NUP153: variants seen among roughly 807,000 people sequenced by gnomAD.
The protein encoded by NUP153 is nucleoporin 153, also known as nuclear pore complex protein Nup153.
In NUP153, 27 loss-of-function variants were observed where a neutral mutation model predicts 134.6. The observed-to-expected ratio is 0.20, with a 90% CI of 0.15 to 0.28. The LOEUF is 0.28. NUP153 is among the 10% of genes least tolerant of loss of function. The pLI is 1.00. For missense variants in NUP153, 1,821 were observed against 1,731.3 expected (o/e 1.05, Z -0.92); for synonymous variants, 640 against 623.5 (o/e 1.03, Z -0.40).
intron 2 of NUP153, among the ~76,000 whole-genome samples, chr6:17,678,977 A>G (rs1768407461): frequency 6.6e-6 from 1 of 151,464 alleles, no homozygotes; most frequent in South Asian, 2.1e-4. Context: ...GTCTTAACAA[A>G]TATTTTACAG....
chr6:17,637,112 GAAGT>G (rs750601958), intron 16 of NUP153, 37 bp downstream of exon 16: 21 of 1,552,724 alleles, frequency 1.4e-5, no homozygotes, highest in African/African-American at 4.1e-5. Flanking sequence ...CTGTTCAACA[GAAGT>G]AATAAGCAAA....
At position 17,674,963 on chromosome 6, in the gene NUP153, G is replaced by A; in HGVS notation, c.794C>T (p.Thr265Ile). The A allele has an allele frequency of 1.9e-6, 3 of 1,613,738 alleles. No individual in the cohort carries two copies. The highest frequency in any genetic ancestry group is 2.5e-6 in the Non-Finnish European group (3 of 1,179,778). ...TACAGCAGCTGCTGCCCCACCGTAT[G>A]TTGTTTTTCCAGGATAAAAAGGAGA... is the stretch of plus-strand genomic sequence containing the variant. ...GDSPFYPGKT[T>I]YGGAAAAVRQ... Residue 265 changes from threonine to isoleucine, a missense_variant, in exon 5 of 22, where the codon ACA becomes ATA. Physicochemically the swap from Thr to Ile is moderately conservative, Grantham distance 89. Coordinates refer to ENST00000262077, the MANE Select transcript of NUP153 (RefSeq NM_005124.4).
chr6:17,661,747 G>A lies in NUP153; in HGVS notation c.1301C>T (p.Ala434Val), dbSNP rs1767198409. The change falls in exon 11 of 22, where the codon GCA becomes GTA. Residue 434 changes from alanine to valine, a missense_variant. Transcript: ENST00000262077. ...TACTCCAGAAGATAAACCATTGGCT[G>A]CAGGCAAACTGAAATTTGGATATGA... is the stretch of plus-strand genomic sequence containing the variant. ...GFSYPNFSLP[A>V]ANGLSSGVGG... 1.2e-6 allele frequency: 2 copies of A among 1,612,762 alleles called. No homozygotes were observed. Among genetic ancestry groups the A allele is most frequent in the Non-Finnish European group, 1.7e-6 (2 of 1,179,628 alleles).
At chr6:17,626,237 C>G (rs747838919) in intron 18 of NUP153, 73 bp from the exon 19 acceptor site, 21 of 1,143,084 alleles carry the variant, frequency 1.8e-5, no homozygotes, top group Admixed American at 9.0e-5. Flanking sequence ...TCCTACCCTA[C>G]AATTGCTAGA....
chr6:17,675,178 C>G lies in NUP153; in HGVS notation c.723+51G>C. The G allele has an allele frequency of 2.5e-6, 4 of 1,577,940 alleles. No homozygotes were observed. The Middle Eastern group carries it at 5.1e-4, about 201-fold the overall frequency. ...CAGAAAAAAAAAAAAAAATTATAAGCAATAAACACTCAAAACTAATGTGAT... is the reference window on the plus strand; with the variant it reads ...CAGAAAAAAAAAAAAAAATTATAAGGAATAAACACTCAAAACTAATGTGAT... On this transcript the variant is annotated intron_variant, in intron 4 of 21. Coordinates refer to ENST00000262077, the MANE Select transcript of NUP153 (RefSeq NM_005124.4). The surrounding 1 kb of genome is among the most constrained non-coding windows in gnomAD (Gnocchi z 4.4).
chr6:17,669,258 C>CAA (rs1434285412), intron 7 of NUP153, 35 bp downstream of exon 7: 1 of 1,574,816 alleles, frequency 6.3e-7, no homozygotes, highest in Non-Finnish European at 8.7e-7. Context: ...TTTGTATGAA[C>CAA]AATATTTTGT....
intron 9 of NUP153, 103 bp from the exon 10 acceptor site, chr6:17,662,173 A>G: frequency 9.4e-7 from 1 of 1,062,856 alleles, no homozygotes; most frequent in Non-Finnish European, 1.4e-6. Context: ...CAGGAATTTG[A>G]TGGCTTTTTA....
intron 1 of NUP153, among the ~76,000 whole-genome samples, chr6:17,698,025 T>C (rs1381167233): frequency 6.6e-6 from 1 of 152,186 alleles, no homozygotes; most frequent in Non-Finnish European, 1.5e-5. Flanking sequence ...CTTCACATTA[T>C]CCTTAGCAGT....
At chr6:17,657,146 T>G (rs1325570990) in intron 11 of NUP153, among the ~76,000 whole-genome samples, 3 of 152,152 alleles carry the variant, frequency 2.0e-5, no homozygotes, top group Non-Finnish European at 4.4e-5. Context: ...ATTTATAGCT[T>G]AGTTTTGGCT....
At chr6:17,644,120 C>T (rs1460548209) in intron 14 of NUP153, among the ~76,000 whole-genome samples, 1 of 151,782 alleles carries the variant, frequency 6.6e-6, no homozygotes, top group Admixed American at 6.6e-5. Context: ...ATAATCTGGC[C>T]TCTTATCTTC....
chr6:17,657,706 A>C (rs1168332532), intron 11 of NUP153, among the ~76,000 whole-genome samples: 2 of 152,216 alleles, frequency 1.3e-5, no homozygotes, highest in African/African-American at 4.8e-5. Flanking sequence ...AACTTCACAA[A>C]ACATGCTACA....
chr6:17,661,019 G>T (rs1191918860), intron 11 of NUP153, among the ~76,000 whole-genome samples: 2 of 151,998 alleles, frequency 1.3e-5, no homozygotes, highest in African/African-American at 4.8e-5. Context: ...AAACAGGCAA[G>T]CAAGAAGAAG....
At chr6:17,667,558 C>CA (rs1195260936) in intron 8 of NUP153, among the ~76,000 whole-genome samples, 3 of 151,890 alleles carry the variant, frequency 2.0e-5, no homozygotes, top group South Asian at 2.1e-4. Context: ...ACTAAAAATA[C>CA]AAAAAATCGG....
At chr6:17,688,321 C>T in intron 2 of NUP153, 75 bp downstream of exon 2, 2 of 1,095,762 alleles carry the variant, frequency 1.8e-6, no homozygotes, top group Admixed American at 3.8e-5. Flanking sequence ...TTAGATTTAC[C>T]ATAACTAGGT....
Position 17,675,280 on chromosome 6 carries a change from G to C in NUP153, c.672C>G (p.Thr224=). 6.2e-7 allele frequency: 1 copy of C among 1,614,146 alleles called. No individual in the cohort carries two copies. The highest frequency in any genetic ancestry group is 8.5e-7 in the Non-Finnish European group (1 of 1,180,022). Residue 224 remains threonine (T), a synonymous_variant, in exon 4 of 22, where the codon ACC becomes ACG. Coordinates refer to ENST00000262077, the MANE Select transcript of NUP153 (RefSeq NM_005124.4). The surrounding 1 kb of genome is among the most constrained non-coding windows in gnomAD (Gnocchi z 4.4). ...RSHSLSQHTA[T]SSKKPAFNLS... ...AGTTGAATGCTGGTTTTTTTGAGCTGGTGGCAGTGTGCTGTGAGAGTGAGT... is the reference window on the plus strand; with the variant it reads ...AGTTGAATGCTGGTTTTTTTGAGCTCGTGGCAGTGTGCTGTGAGAGTGAGT...
At chr6:17,636,751 T>C (rs906631072) in intron 16 of NUP153, among the ~76,000 whole-genome samples, 2 of 152,218 alleles carry the variant, frequency 1.3e-5, no homozygotes, top group Non-Finnish European at 2.9e-5. Context: ...TTAACGACTA[T>C]AGTCTACCCC....
At chr6:17,683,960 A>G (rs1043453898) in intron 2 of NUP153, among the ~76,000 whole-genome samples, 5 of 152,170 alleles carry the variant, frequency 3.3e-5, no homozygotes, top group African/African-American at 1.2e-4. Flanking sequence ...CAGATTCCTC[A>G]TGAATGGCTT....
chr6:17,654,612 G>A (rs570468249), intron 11 of NUP153, among the ~76,000 whole-genome samples: 4 of 152,004 alleles, frequency 2.6e-5, no homozygotes, highest in South Asian at 2.1e-4. Context: ...GAACCACCGC[G>A]CCCAGCTGAC....
chr6:17,629,591 A>C, intron 17 of NUP153, 52 bp from the exon 18 acceptor site: 9 of 1,488,490 alleles, frequency 6.0e-6, no homozygotes, highest in African/African-American at 1.4e-5. Context: ...TGATCCTCTC[A>C]AACAAAATGT....
Sources: gnomAD v4.1 joint callset for allele counts (sites outside exome capture counted in the v4.1 genomes callset) on GRCh38, gnomAD v4.1.1 for gene constraint, Gnocchi (gnomAD v3.1) non-coding constraint, MANE v1.5 for transcripts, NCBI Gene and HGNC (gene_info 2026-07-23, HGNC 2026-07-21) for gene names.